WASHC2C: variants seen among roughly 807,000 people sequenced by gnomAD.
WASHC2C encodes the protein Vaccinia Penetration Factor.
Under a neutral mutation model 142.2 loss-of-function variants are expected in WASHC2C, and 73 were observed. The ratio of observed to expected loss-of-function variants is 0.51; its 90% CI spans 0.43 to 0.62. The LOEUF is 0.62. Ranked by LOEUF, WASHC2C falls within the 20% of genes least tolerant of loss-of-function variation. The probability of loss-of-function intolerance (pLI) is 0.00; values close to 1 mark genes in which losing one functional copy is unlikely to be tolerated. For synonymous variants in WASHC2C, 337 were observed against 565.5 expected (o/e 0.60, Z 5.73); for missense variants, 969 against 1,531.7 (o/e 0.63, Z 6.13).
chr10:45,763,938 G>C (rs1394736023), intron 18 of WASHC2C, among the ~76,000 whole-genome samples: 1 of 152,134 alleles, frequency 6.6e-6, no homozygotes. Flanking sequence ...CTGATCTCAG[G>C]TGATCCGCCT....
In WASHC2C at chr10:45,790,449, G is replaced by T; in HGVS notation, c.3802G>T (p.Asp1268Tyr). Residue 1268 changes from aspartate to tyrosine, a missense_variant, in exon 30 of 31, where the codon GAT becomes TAT. Physicochemically the swap from Asp to Tyr is radical, Grantham distance 160 (BLOSUM62 -3). Transcript: ENST00000623400. The part of the protein sequence containing the change: ...LESNLFDDNI[D>Y]IFADLTVKPK... ...ATCTAATTTATTTGATGATAACATT[G>T]ATATCTTTGCTGACTTAACTGTAAA... is the stretch of plus-strand genomic sequence containing the variant. 1.2e-6 allele frequency: 2 copies of T among 1,611,026 alleles called. No individual in the cohort carries two copies. Among genetic ancestry groups the T allele is most frequent in the South Asian group, 2.2e-5 (2 of 90,898 alleles).
intron 27 of WASHC2C, 119 bp from the exon 28 acceptor site, chr10:45,786,916 C>T (rs1472498450): frequency 4.4e-6 from 7 of 1,608,208 alleles, no homozygotes; most frequent in South Asian, 1.1e-5. Flanking sequence ...GATTTTCCTA[C>T]GTTTCTCTAC....
intron 30 of WASHC2C, among the ~76,000 whole-genome samples, chr10:45,790,758 T>C (rs1327721440): frequency 2.6e-5 from 4 of 152,166 alleles, no homozygotes; most frequent in Non-Finnish European, 5.9e-5. Context: ...CACCCAGAGT[T>C]TGATGTTTAA....
intron 7 of WASHC2C, among the ~76,000 whole-genome samples, chr10:45,745,480 C>T (rs1299594305): frequency 6.6e-6 from 1 of 151,604 alleles, no homozygotes; most frequent in Non-Finnish European, 1.5e-5. Flanking sequence ...GGAGAGTCCT[C>T]GAGTATGGGA....
intron 5 of WASHC2C, among the ~76,000 whole-genome samples, chr10:45,741,279 A>G (rs572885081): frequency 3.4e-4 from 52 of 152,248 alleles, no homozygotes; most frequent in African/African-American, 1.2e-3. Flanking sequence ...CTGTAGCTGC[A>G]CATTTCTCTT....
intron 27 of WASHC2C, 118 bp from the exon 28 acceptor site, chr10:45,786,917 G>T: frequency 1.2e-6 from 2 of 1,609,052 alleles, no homozygotes; most frequent in East Asian, 4.5e-5. Flanking sequence ...ATTTTCCTAC[G>T]TTTCTCTACT....
In WASHC2C at chr10:45,789,065, G is replaced by T. The variant is rs1430618567; in HGVS notation, c.3282G>T (p.Glu1094Asp). 1.2e-6 allele frequency: 2 copies of T among 1,612,054 alleles called. No homozygotes were observed. Among genetic ancestry groups the T allele is most frequent in the East Asian group, 4.5e-5 (2 of 44,880 alleles). The change falls in exon 29 of 31, where the codon GAG becomes GAT. Residue 1094 changes from glutamate (E) to aspartate (D), a missense_variant. Physicochemically the swap from Glu to Asp is conservative, Grantham distance 45 (BLOSUM62 2). Coordinates refer to ENST00000623400, the MANE Select transcript of WASHC2C (RefSeq NM_001330074.2). ...CCAGTGGAGAAGACAGCACTGAGGA[G>T]GCCCTGGCAGCTGCCGCTGCACCTT... ...RAASGEDSTE[E>D]ALAAAAAPWE...
In WASHC2C at chr10:45,734,416, A is replaced by C. The variant is rs531186618; in HGVS notation, c.292-3567A>C. Among the ~76,000 whole-genome samples, 4 of 148,130 alleles carry C rather than the reference A, an allele frequency of 2.7e-5. No individual in the cohort carries two copies. In the Admixed American group the frequency reaches 2.7e-4, roughly 10 times the overall value. On this transcript the variant is annotated intron_variant, in intron 3 of 30. Transcript: ENST00000623400. ...TCATTTGCAGCCTACTTTTTTTCTT[A>C]ATGTGAACTTATTTAACCCATCTTT...
At chr10:45,765,992 T>A (rs1448766811) in intron 19 of WASHC2C, among the ~76,000 whole-genome samples, 182 bp downstream of exon 19, 1 of 152,186 alleles carries the variant, frequency 6.6e-6, no homozygotes, top group Non-Finnish European at 1.5e-5. Context: ...TAAAGATGAA[T>A]CTCTTCAAAA....
chr10:45,762,132 C>T (rs1431775475), intron 17 of WASHC2C, among the ~76,000 whole-genome samples: 9 of 151,566 alleles, frequency 5.9e-5, no homozygotes, highest in Non-Finnish European at 1.3e-4. Flanking sequence ...TATGTTTCTA[C>T]TTCATGTAGG....
intron 5 of WASHC2C, among the ~76,000 whole-genome samples, chr10:45,741,516 G>A (rs868956352): frequency 1.1e-4 from 17 of 152,128 alleles, no homozygotes; most frequent in African/African-American, 4.1e-4. Flanking sequence ...TTTTGTAGGA[G>A]GATTTGGGGA....
chr10:45,791,914 A>T (rs2058416025), intron 30 of WASHC2C, among the ~76,000 whole-genome samples: 1 of 145,616 alleles, frequency 6.9e-6, no homozygotes, highest in Non-Finnish European at 1.5e-5. Flanking sequence ...CTCTTTTAAA[A>T]CCCAGTATGA....
chr10:45,779,764 A>C (rs2057355535), intron 23 of WASHC2C, among the ~76,000 whole-genome samples: 1 of 152,142 alleles, frequency 6.6e-6, no homozygotes, highest in Admixed American at 6.5e-5. Flanking sequence ...AGGTGGGTGG[A>C]TCACAAGGTC....
intron 13 of WASHC2C, 89 bp from the exon 14 acceptor site, chr10:45,754,397 G>A: frequency 6.3e-7 from 1 of 1,599,302 alleles, no homozygotes; most frequent in Non-Finnish European, 8.5e-7. Flanking sequence ...GGTACTAGCT[G>A]TGTGTTACAT....
At chr10:45,747,418 A>G (rs1203285823) in intron 8 of WASHC2C, among the ~76,000 whole-genome samples, 1 of 152,130 alleles carries the variant, frequency 6.6e-6, no homozygotes, top group Admixed American at 6.5e-5. Flanking sequence ...TGCTGGGATT[A>G]CAGGCGTGAG....
At chr10:45,739,412 G>A (rs1218638926) in intron 4 of WASHC2C, among the ~76,000 whole-genome samples, 1 of 148,354 alleles carries the variant, frequency 6.7e-6, no homozygotes, top group South Asian at 2.1e-4. Flanking sequence ...GCACACTTGT[G>A]TCTGTGGGGA....
chr10:45,771,355 A>C (rs1255919659), intron 20 of WASHC2C, among the ~76,000 whole-genome samples: 2 of 131,624 alleles, frequency 1.5e-5, no homozygotes, highest in African/African-American at 3.1e-5. Context: ...ACAGAGAGAG[A>C]CTCCATCTCA....
At chr10:45,777,060 A>T (rs2135513037) in intron 21 of WASHC2C, among the ~76,000 whole-genome samples, 1 of 151,980 alleles carries the variant, frequency 6.6e-6, no homozygotes, top group Non-Finnish European at 1.5e-5. Flanking sequence ...GATACAGGTG[A>T]TATGGTGGCG....
At chr10:45,788,795 C>T in intron 28 of WASHC2C, 76 bp from the exon 29 acceptor site, 4 of 1,610,624 alleles carry the variant, frequency 2.5e-6, no homozygotes, top group Non-Finnish European at 3.4e-6. Flanking sequence ...TATTTTGAGT[C>T]ACTGATTCTT....
Sources: allele counts gnomAD v4.1 joint callset (sites outside exome capture counted in the v4.1 genomes callset), GRCh38; gene constraint gnomAD v4.1.1; transcripts MANE v1.5; gene names NCBI Gene and HGNC (gene_info 2026-07-23, HGNC 2026-07-21).